The following LSMEM1 variants were observed in gnomAD, a reference collection of about 807,000 sequenced individuals.
LSMEM1 encodes the protein leucine rich single-pass membrane protein 1, also known as leucine-rich single-pass membrane protein 1.
Under a neutral mutation model 11.3 loss-of-function variants are expected in LSMEM1, and 10 were observed. The ratio of observed to expected loss-of-function variants is 0.89; its 90% CI spans 0.55 to 1.50. The LOEUF (loss-of-function observed/expected upper bound fraction) is 1.50. Ranked by LOEUF, LSMEM1 falls within the 40% of genes most tolerant of loss-of-function variation. The pLI is 0.00. For missense variants in LSMEM1, 151 were observed against 152.9 expected (o/e 0.99, Z 0.06); for synonymous variants, 65 against 59.3 (o/e 1.10, Z -0.44).
chr7:112,488,229 G>T (rs1584517079), intron 3 of LSMEM1, among the ~76,000 whole-genome samples: 1 of 152,160 alleles, frequency 6.6e-6, no homozygotes, highest in East Asian at 1.9e-4. Flanking sequence ...TACAATAGTT[G>T]CAAACTTGCA....
intron 3 of LSMEM1, among the ~76,000 whole-genome samples, chr7:112,488,183 C>T (rs1796173737): frequency 6.6e-6 from 1 of 152,100 alleles, no homozygotes; most frequent in African/African-American, 2.4e-5. Flanking sequence ...GGGCTGATGA[C>T]CTTTTGCATT....
At chr7:112,481,433 T>C (rs1279206631) in intron 1 of LSMEM1, 87 bp downstream of exon 1, 1 of 152,340 alleles carries the variant, frequency 6.6e-6, no homozygotes, top group African/African-American at 2.4e-5. Flanking sequence ...CTCTGTGTTT[T>C]TCATTTTTGA....
At chr7:112,480,731 G>T (rs925777851), upstream of LSMEM1, 10 of 444,252 alleles carry the variant, frequency 2.3e-5, no homozygotes, top group Non-Finnish European at 4.1e-5. Flanking sequence ...CCATGAAATC[G>T]CCCACTCACA....
chr7:112,489,987 G>T lies in LSMEM1; in HGVS notation c.*38G>T, dbSNP rs375398984. ...CTGAAAGCACCTGCTAACACCTTGA[G>T]CTTTTTACTTTCCTGGGAGTGTACA... On this transcript the variant is annotated 3_prime_UTR_variant, in exon 4 of 4. Transcript: ENST00000312849. 2.5e-6 allele frequency: 4 copies of T among 1,593,482 alleles called. No individual in the cohort carries two copies. The highest frequency in any genetic ancestry group is 2.6e-6 in the Non-Finnish European group (3 of 1,171,838).
chr7:112,484,695 A>G (rs1796094423), intron 1 of LSMEM1, 117 bp from the exon 2 acceptor site: 4 of 1,036,196 alleles, frequency 3.9e-6, no homozygotes, highest in Non-Finnish European at 5.6e-6. Flanking sequence ...CTTAGTTGAA[A>G]ATACTATTTG....
chr7:112,482,722 TTGAC>T (rs1013226076), intron 1 of LSMEM1, among the ~76,000 whole-genome samples: 37 of 152,340 alleles, frequency 2.4e-4, no homozygotes, highest in South Asian at 2.1e-3. Flanking sequence ...AGGATAAGAT[TTGAC>T]TGACCTCTAA....
At chr7:112,488,159 G>A (rs1796173233) in intron 3 of LSMEM1, among the ~76,000 whole-genome samples, 1 of 152,144 alleles carries the variant, frequency 6.6e-6, no homozygotes, top group African/African-American at 2.4e-5. Flanking sequence ...ATGTTTAATT[G>A]CTTCTCTTGC....
intron 1 of LSMEM1, 123 bp from the exon 2 acceptor site, chr7:112,484,689 G>A (rs559109965): frequency 2.0e-6 from 2 of 985,718 alleles, no homozygotes; most frequent in East Asian, 5.4e-5. Flanking sequence ...TAGAGCCTTA[G>A]TTGAAAATAC....
intron 2 of LSMEM1, 145 bp from the exon 3 acceptor site, chr7:112,486,778 A>G: frequency 8.5e-7 from 1 of 1,177,478 alleles, no homozygotes; most frequent in Non-Finnish European, 1.2e-6. Flanking sequence ...TCTGTCTCAA[A>G]AAAAAAGAGT....
intron 1 of LSMEM1, among the ~76,000 whole-genome samples, chr7:112,483,094 G>A (rs3095026): frequency 0.99 from 149,587 of 151,798 alleles, 73,712 homozygotes; most frequent in East Asian, 1. Context: ...TGCTCAGTAA[G>A]TGTCTGATAC....
intron 1 of LSMEM1, among the ~76,000 whole-genome samples, chr7:112,484,058 CAATATTT>C (rs1316056256): frequency 6.6e-6 from 1 of 152,144 alleles, no homozygotes; most frequent in East Asian, 1.9e-4. Context: ...ATATTACTTT[CAATATTT>C]AATAAACCTC....
intron 1 of LSMEM1, among the ~76,000 whole-genome samples, chr7:112,483,222 A>G (rs973815605): frequency 6.6e-6 from 1 of 151,934 alleles, no homozygotes; most frequent in African/African-American, 2.4e-5. Flanking sequence ...AATTTTTGCA[A>G]CAACAGAAAG....
In LSMEM1 at chr7:112,488,214, AT is replaced by A. The variant is rs568671842; in HGVS notation, c.256+1168del. Among the ~76,000 whole-genome samples, 8 of 152,204 alleles carry A rather than the reference AT, an allele frequency of 5.3e-5. No homozygotes were observed. In the East Asian group the frequency reaches 1.5e-3, roughly 29 times the overall value. ...GCATTTAGAAGCTAACATGTGTACT[AT>A]TTTTACAATAGTTGCAAACTTGCAT... is the stretch of plus-strand genomic sequence containing the variant. On this transcript the variant is annotated intron_variant, in intron 3 of 3. Coordinates refer to ENST00000312849, the MANE Select transcript of LSMEM1 (RefSeq NM_182597.3).
intron 3 of LSMEM1, 73 bp from the exon 4 acceptor site, chr7:112,489,737 A>G (rs1796201546): frequency 6.6e-7 from 1 of 1,523,554 alleles, no homozygotes; most frequent in East Asian, 2.3e-5. Context: ...CTGAGCACCA[A>G]CATGGGGATC....
chr7:112,489,703 G>A, intron 3 of LSMEM1, 107 bp from the exon 4 acceptor site: 1 of 1,309,230 alleles, frequency 7.6e-7, no homozygotes. Flanking sequence ...CAGGGGATTT[G>A]CCAAGAGTGT....
At chr7:112,488,189 G>C (rs943732918) in intron 3 of LSMEM1, among the ~76,000 whole-genome samples, 4 of 152,154 alleles carry the variant, frequency 2.6e-5, no homozygotes, top group Admixed American at 6.5e-5. Flanking sequence ...ATGACCTTTT[G>C]CATTTAGAAG....
At chr7:112,487,996 A>G (rs189796585) in intron 3 of LSMEM1, among the ~76,000 whole-genome samples, 14 of 152,292 alleles carry the variant, frequency 9.2e-5, no homozygotes, top group African/African-American at 3.1e-4. Flanking sequence ...AGAGGTGATG[A>G]TGACGATGAG....
intron 2 of LSMEM1, 163 bp from the exon 3 acceptor site, chr7:112,486,760 A>G: frequency 1.1e-6 from 1 of 946,160 alleles, no homozygotes; most frequent in Non-Finnish European, 1.5e-6. Flanking sequence ...TGGTTGACAG[A>G]GCAAGACTCT....
At chr7:112,489,696 G>A in intron 3 of LSMEM1, 114 bp from the exon 4 acceptor site, 5 of 1,217,634 alleles carry the variant, frequency 4.1e-6, no homozygotes, top group Non-Finnish European at 5.7e-6. Flanking sequence ...ATGGGAACAG[G>A]GGATTTGCCA....
Sources: gnomAD v4.1 joint callset for allele counts (sites outside exome capture counted in the v4.1 genomes callset) on GRCh38, gnomAD v4.1.1 for gene constraint, MANE v1.5 for transcripts, NCBI Gene and HGNC (gene_info 2026-07-23, HGNC 2026-07-21) for gene names.